UCN3: variants seen among roughly 807,000 people sequenced by gnomAD.
UCN3 encodes the protein urocortin 3.
UCN3 carries 3 observed loss-of-function variants against 3.6 expected under a neutral mutation model. The ratio of observed to expected loss-of-function variants is 0.83; its 90% CI spans 0.38 to 2.15. The LOEUF (loss-of-function observed/expected upper bound fraction) is 2.15, where lower values mean the gene tolerates loss of function less well. UCN3 is among the 30% of genes most tolerant of loss of function. The pLI is 0.06. For missense variants in UCN3, 206 were observed against 208.3 expected (o/e 0.99, Z 0.07); for synonymous variants, 100 against 93.2 (o/e 1.07, Z -0.42).
chr10:5,371,741 C>T (rs915605004), intron 1 of UCN3, among the ~76,000 whole-genome samples: 1 of 152,196 alleles, frequency 6.6e-6, no homozygotes, highest in Non-Finnish European at 1.5e-5. Context: ...CAATGCCAGC[C>T]TCACGCTGCT....
At chr10:5,369,644 C>T (rs1212112415) in intron 1 of UCN3, among the ~76,000 whole-genome samples, 1 of 152,116 alleles carries the variant, frequency 6.6e-6, no homozygotes, top group Non-Finnish European at 1.5e-5. Context: ...CTATTTAAAG[C>T]GAGGATCATG....
At chr10:5,371,202 GTA>G (rs781960016) in intron 1 of UCN3, among the ~76,000 whole-genome samples, 9 of 150,854 alleles carry the variant, frequency 6.0e-5, no homozygotes, top group Non-Finnish European at 8.8e-5. Flanking sequence ...TGTGAGGTGT[GTA>G]TGTGTGCATA....
In UCN3 at chr10:5,369,997, G is replaced by A. The variant is rs146231294; in HGVS notation, c.-6-3718G>A. Among the ~76,000 whole-genome samples, 101 of 44,700 alleles carry A rather than the reference G, an allele frequency of 2.3e-3. 5 individuals carry two copies. Among genetic ancestry groups the A allele is most frequent in the South Asian group, 4.1e-3 (3 of 738 alleles). The allele number at this position is 44,700 out of a possible 152,430, so 29.3% of individuals were successfully genotyped here. On this transcript the variant is annotated intron_variant, in intron 1 of 1. Transcript: ENST00000380433. ...TATATGCGTGTGTATATGTGTGTATGTGTGTGTGTATGTGTGTGTATATGT... is the reference window on the plus strand; with the variant it reads ...TATATGCGTGTGTATATGTGTGTATATGTGTGTGTATGTGTGTGTATATGT...
intron 1 of UCN3, among the ~76,000 whole-genome samples, chr10:5,370,387 GCGTGTGTATA>G (rs1831359993): frequency 6.3e-5 from 2 of 31,520 alleles, no homozygotes; most frequent in Non-Finnish European, 1.2e-4. Context: ...GCGTGTATAT[GCGTGTGTATA>G]TGTGTGTGTA....
intron 1 of UCN3, 101 bp from the exon 2 acceptor site, chr10:5,373,614 G>A: frequency 6.6e-7 from 1 of 1,510,150 alleles, no homozygotes; most frequent in South Asian, 1.3e-5. Flanking sequence ...GAGAACCCTT[G>A]TAGTGGAACA....
chr10:5,372,524 A>G lies in UCN3; in HGVS notation c.-6-1191A>G, dbSNP rs534315207. 3.9e-5 allele frequency among the ~76,000 whole-genome samples: 6 copies of G among 152,240 alleles called. No individual in the cohort carries two copies. The East Asian group carries it at 1.2e-3, about 29-fold the overall frequency. ...CGAGTCGGACGTTTGTATTGCCACA[A>G]CAGTCCATATGCTAATGCTTAGGGT... On this transcript the variant is annotated intron_variant, in intron 1 of 1. Transcript: ENST00000380433.
chr10:5,370,223 G>GTGCGTGTGTATA lies in UCN3; in HGVS notation c.-6-3483_-6-3482insATATGCGTGTGT, dbSNP rs1831348501. On this transcript the variant is annotated intron_variant, in intron 1 of 1. Transcript: ENST00000380433. ...TATATGCGTGTGTATGTGTGTGTAT[G>GTGCGTGTGTATA]TGCGTGTGTGTATGCGTGTGTGTAT... Among the ~76,000 whole-genome samples the GTGCGTGTGTATA allele has an allele frequency of 1.5e-4, 2 of 13,774 alleles. 1 individual carries two copies. The highest frequency in any genetic ancestry group is 2.2e-4 in the Non-Finnish European group (2 of 9,048). 9.0% of individuals were successfully genotyped at this position (13,774 alleles called of 152,430 possible). A position where few individuals can be genotyped will look rare whatever the true frequency, so the allele number is the denominator to read the frequency against.
At position 5,374,070 on chromosome 10, in the gene UCN3, G is replaced by T. The variant is rs578013129; in HGVS notation, c.350G>T (p.Arg117Leu). The T allele has an allele frequency of 8.7e-6, 14 of 1,613,428 alleles. No individual in the cohort carries two copies. Among genetic ancestry groups the T allele is most frequent in the Admixed American group, 1.7e-5 (1 of 59,962 alleles). The change falls in exon 2 of 2, where the codon CGC (arginine) becomes CTC (leucine). Residue 117 changes from arginine to leucine, a missense_variant. Coordinates refer to ENST00000380433, the MANE Select transcript of UCN3 (RefSeq NM_053049.4). ...PRQDTAKSPH[R>L]TKFTLSLDVP... is the part of the protein sequence containing the mutation. ...CAGGACACGGCCAAGAGTCCCCACCGCACCAAGTTCACCCTGTCCCTCGAC... is the reference window on the plus strand; with the variant it reads ...CAGGACACGGCCAAGAGTCCCCACCTCACCAAGTTCACCCTGTCCCTCGAC...
At chr10:5,372,531 A>T (rs1330916173) in intron 1 of UCN3, among the ~76,000 whole-genome samples, 1 of 152,170 alleles carries the variant, frequency 6.6e-6, no homozygotes, top group African/African-American at 2.4e-5. Flanking sequence ...ACAACAGTCC[A>T]TATGCTAATG....
intron 1 of UCN3, among the ~76,000 whole-genome samples, chr10:5,370,690 T>C (rs1200870002): frequency 1.9e-4 from 22 of 115,570 alleles, no homozygotes; most frequent in Non-Finnish European, 3.1e-4. Flanking sequence ...TGTGTGTATG[T>C]GTGTATATGT....
At chr10:5,370,927 A>ATATGTGTGTGTT (rs1564443841) in intron 1 of UCN3, among the ~76,000 whole-genome samples, 2 of 131,176 alleles carry the variant, frequency 1.5e-5, no homozygotes, top group South Asian at 2.6e-4. Context: ...ATGCGTGTGT[A>ATATGTGTGTGTT]TATGTGTGTT....
chr10:5,370,385 ATGCGTGTGTATATGTGTGTGTATATGTG>A (rs1564442861), intron 1 of UCN3, among the ~76,000 whole-genome samples: 1 of 53,928 alleles, frequency 1.9e-5, no homozygotes, highest in African/African-American at 1.1e-4. Context: ...ATGCGTGTAT[ATGCGTGTGTATATGTGTGTGTATATGTG>A]TGTGTGTATA....
At chr10:5,373,563 C>T (rs1242750133) in intron 1 of UCN3, among the ~76,000 whole-genome samples, 152 bp from the exon 2 acceptor site, 2 of 152,274 alleles carry the variant, frequency 1.3e-5, no homozygotes, top group Admixed American at 6.5e-5. Context: ...CTAACAAAGT[C>T]CCAGCCCGGG....
chr10:5,370,211 A>ATGTGTGTGTGTATG (rs143748616), intron 1 of UCN3, among the ~76,000 whole-genome samples: 3 of 16,876 alleles, frequency 1.8e-4, no homozygotes, highest in African/African-American at 4.9e-4. Flanking sequence ...ATGCGTGTGT[A>ATGTGTGTGTGTATG]TGTGTGTGTA....
intron 1 of UCN3, among the ~76,000 whole-genome samples, chr10:5,370,112 T>TGC (rs1491437340): frequency 0.011 from 868 of 76,200 alleles, 107 homozygotes; most frequent in African/African-American, 0.032. Flanking sequence ...CGTGTGTATA[T>TGC]GTGTGTGTAT....
chr10:5,370,464 TGTATATGC>T (rs1365683108), intron 1 of UCN3, among the ~76,000 whole-genome samples: 3 of 123,882 alleles, frequency 2.4e-5, no homozygotes, highest in Non-Finnish European at 3.3e-5. Context: ...TGTATATGTG[TGTATATGC>T]GTGTGTATAT....
chr10:5,369,062 G>A (rs73615943), intron 1 of UCN3, among the ~76,000 whole-genome samples: 9,839 of 152,232 alleles, frequency 0.065, 415 homozygotes, highest in South Asian at 0.15. Flanking sequence ...TTTGAACCGC[G>A]CCTTCACATG....
intron 1 of UCN3, among the ~76,000 whole-genome samples, chr10:5,371,190 C>A (rs543621908): frequency 6.9e-6 from 1 of 143,952 alleles, no homozygotes; most frequent in Non-Finnish European, 1.5e-5. Flanking sequence ...CATATGTGTA[C>A]GTGTGAGGTG....
chr10:5,370,298 C>T (rs1367716726), intron 1 of UCN3, among the ~76,000 whole-genome samples: 52 of 11,132 alleles, frequency 4.7e-3, no homozygotes, highest in Non-Finnish European at 5.6e-3. Flanking sequence ...TGTGTGTATG[C>T]GTGTGTATAT....
Sources: allele counts gnomAD v4.1 joint callset (sites outside exome capture counted in the v4.1 genomes callset), GRCh38; gene constraint gnomAD v4.1.1; transcripts MANE v1.5; gene names NCBI Gene and HGNC (gene_info 2026-07-23, HGNC 2026-07-21).